Variants in CNTNAP3B observed in about 807,000 individuals in gnomAD.
The protein encoded by CNTNAP3B is contactin-associated protein-like 3B.
Under a neutral mutation model 108.9 loss-of-function variants are expected in CNTNAP3B, and 25 were observed. That is an observed-to-expected ratio of 0.23 (90% confidence interval 0.17 to 0.32). The LOEUF (loss-of-function observed/expected upper bound fraction) is 0.32, where lower values mean the gene tolerates loss of function less well. Among genes scored for constraint, CNTNAP3B ranks in the 10% least tolerant of loss-of-function variants. The probability of loss-of-function intolerance (pLI) is 1.00; values close to 1 mark genes in which losing one functional copy is unlikely to be tolerated. For synonymous variants in CNTNAP3B, 103 were observed against 473.4 expected, an observed-to-expected ratio of 0.22 and a Z score of 10.16; for missense variants, 252 against 1,210.4, an observed-to-expected ratio of 0.21 and a Z score of 11.75.
chr9:41,934,979 CATT>C (rs1363314587), intron 14 of CNTNAP3B, among the ~76,000 whole-genome samples: 5 of 152,346 alleles, frequency 3.3e-5, no homozygotes, highest in African/African-American at 9.6e-5. Context: ...CATGTGTCAT[CATT>C]ATATTAGCAA....
chr9:41,965,286 C>G (rs1237965212), intron 10 of CNTNAP3B, among the ~76,000 whole-genome samples: 3 of 152,190 alleles, frequency 2.0e-5, no homozygotes, highest in Non-Finnish European at 4.4e-5. Flanking sequence ...TCACAGGGAA[C>G]CTCAAGGGAC....
In CNTNAP3B at chr9:41,934,442, C is replaced by T. The variant is rs1438939615; in HGVS notation, c.2237+3802G>A. On this transcript the variant is annotated intron_variant, in intron 14 of 23. Coordinates refer to ENST00000377561, the MANE Select transcript of CNTNAP3B (RefSeq NM_001201380.3). ...TCACCTGTGTTAGCCAGGATGGTCTCGATCTTCTGACCTTGTGATCTGCCC... is the reference window on the plus strand; with the variant it reads ...TCACCTGTGTTAGCCAGGATGGTCTTGATCTTCTGACCTTGTGATCTGCCC... Among the ~76,000 whole-genome samples, 17 of 152,358 alleles carry T rather than the reference C, an allele frequency of 1.1e-4. No homozygotes were observed. In the East Asian group the frequency reaches 1.2e-3, roughly 10 times the overall value.
rs564525592 is a variant in CNTNAP3B, at chr9:42,125,760, G to T, written c.85+3250C>A. Among the ~76,000 whole-genome samples, 23 of 131,118 alleles carry T rather than the reference G, an allele frequency of 1.8e-4. 5 individuals are homozygous for T. Among genetic ancestry groups the T allele is most frequent in the African/African-American group, 7.2e-4 (23 of 32,080 alleles). 86.0% of individuals were successfully genotyped at this position (131,118 alleles called of 152,430 possible). A position where few individuals can be genotyped will look rare whatever the true frequency, so the allele number is the denominator to read the frequency against. On this transcript the variant is annotated intron_variant, in intron 1 of 23. Transcript: ENST00000377561. ...ATCTCAGCTCACTGCCTCCTCACAG[G>T]CACCTGCCACCATGCCCTGAAATTT...
intron 2 of CNTNAP3B, among the ~76,000 whole-genome samples, chr9:42,096,152 G>A (rs1164472435): frequency 1.4e-5 from 2 of 139,812 alleles, no homozygotes; most frequent in African/African-American, 2.8e-5. Context: ...CAATGAGGAT[G>A]CTGTGCAGGC....
chr9:41,953,456 C>A (rs538628876), intron 12 of CNTNAP3B, 70 bp from the exon 13 acceptor site: 51 of 1,517,258 alleles, frequency 3.4e-5, no homozygotes, highest in Non-Finnish European at 3.6e-5. Context: ...CAAAGCAGAC[C>A]TTTTATGTGA....
chr9:42,119,976 G>C (rs1828422140), intron 1 of CNTNAP3B, among the ~76,000 whole-genome samples: 1 of 143,070 alleles, frequency 7.0e-6, no homozygotes, highest in South Asian at 2.2e-4. Flanking sequence ...TTGACAAATG[G>C]GATCTAATTA....
chr9:41,967,972 C>A (rs201335458), intron 10 of CNTNAP3B, among the ~76,000 whole-genome samples: 1 of 149,328 alleles, frequency 6.7e-6, no homozygotes, highest in Non-Finnish European at 1.5e-5. Context: ...AATTTGGAGG[C>A]CTTTTTAAAA....
At chr9:41,958,319 G>A (rs1824939834) in intron 12 of CNTNAP3B, among the ~76,000 whole-genome samples, 1 of 152,306 alleles carries the variant, frequency 6.6e-6, no homozygotes, top group Non-Finnish European at 1.5e-5. Flanking sequence ...TGTTTTTGTT[G>A]TTGTTGTTGC....
At chr9:41,936,795 A>G (rs1453081444) in intron 14 of CNTNAP3B, among the ~76,000 whole-genome samples, 1 of 152,286 alleles carries the variant, frequency 6.6e-6, no homozygotes, top group Non-Finnish European at 1.5e-5. Context: ...GCATATCAAA[A>G]TATTCAAAAA....
At position 42,024,685 on chromosome 9, in the gene CNTNAP3B, GA is replaced by G. The variant is rs368257574; in HGVS notation, c.391-11161del. Among the ~76,000 whole-genome samples, 15 of 75,204 alleles carry G rather than the reference GA, an allele frequency of 2.0e-4. 1 individual carries two copies. The highest frequency in any genetic ancestry group is 4.1e-4 in the African/African-American group (9 of 21,986). 49.3% of individuals were successfully genotyped at this position (75,204 alleles called of 152,430 possible). A position where few individuals can be genotyped will look rare whatever the true frequency, so the allele number is the denominator to read the frequency against. On this transcript the variant is annotated intron_variant, in intron 3 of 23. Transcript: ENST00000377561. Reference sequence around the variant, plus strand: ...CAGGGTTCACAAAAAAAAAAAAAAAGAAAAAAAAACATGAAAAGATTAAGAT... The same window carrying G: ...CAGGGTTCACAAAAAAAAAAAAAAAGAAAAAAAACATGAAAAGATTAAGAT...
At chr9:41,939,392 C>T (rs1424844472) in intron 13 of CNTNAP3B, among the ~76,000 whole-genome samples, 1 of 152,308 alleles carries the variant, frequency 6.6e-6, no homozygotes, top group African/African-American at 2.4e-5. Flanking sequence ...AGATCTGGAA[C>T]TTAGCTTCTA....
At chr9:41,923,899 A>G in intron 16 of CNTNAP3B, 24 bp downstream of exon 16, 2 of 1,611,738 alleles carry the variant, frequency 1.2e-6, no homozygotes, top group Non-Finnish European at 1.7e-6. Flanking sequence ...GTACCCTGTG[A>G]CTTGTCCAGA....
chr9:42,042,867 C>T (rs976574289), intron 3 of CNTNAP3B, among the ~76,000 whole-genome samples: 4 of 136,854 alleles, frequency 2.9e-5, no homozygotes, highest in African/African-American at 1.2e-4. Flanking sequence ...TGAGAATACA[C>T]AGTGTATTTT....
intron 3 of CNTNAP3B, among the ~76,000 whole-genome samples, chr9:42,018,806 C>G (rs1474577973): frequency 1.3e-5 from 2 of 151,872 alleles, no homozygotes; most frequent in African/African-American, 2.4e-5. Context: ...TGACTATGGG[C>G]AAGATACTCA....
chr9:41,935,990 C>A (rs1195904694), intron 14 of CNTNAP3B, among the ~76,000 whole-genome samples: 15 of 152,250 alleles, frequency 9.9e-5, no homozygotes, highest in Non-Finnish European at 1.8e-4. Context: ...CCAAGTGATA[C>A]GTTCCTCTGG....
At position 42,077,021 on chromosome 9, in the gene CNTNAP3B, A is replaced by G; in HGVS notation, c.238T>C (p.Trp80Arg). Residue 80 changes from tryptophan (W) to arginine (R), a missense_variant, in exon 3 of 24, where the codon TGG becomes CGG. Physicochemically the swap from Trp to Arg is moderately radical, Grantham distance 101. Transcript: ENST00000377561. ...WTPLVSNKYQ[W>R]LQIDLGERME... ...CTCTCTCCAAGGTCAATTTGCAGCC[A>G]TTGGTATTTATTTGACACAAGTGGG... The G allele has an allele frequency of 2.0e-6, 3 of 1,532,196 alleles. No homozygotes were observed. The highest frequency in any genetic ancestry group is 2.6e-6 in the Non-Finnish European group (3 of 1,136,634). 94.9% of individuals were successfully genotyped at this position (1,532,196 alleles called of 1,614,324 possible).
In CNTNAP3B at chr9:41,917,439, G is replaced by T. The variant is rs1823544374; in HGVS notation, c.2995+2631C>A. Among the ~76,000 whole-genome samples the T allele has an allele frequency of 1.4e-5, 2 of 141,102 alleles. 1 individual carries two copies. Among genetic ancestry groups the T allele is most frequent in the Non-Finnish European group, 3.1e-5 (2 of 65,258 alleles). The allele number at this position is 141,102 out of a possible 152,430, so 92.6% of individuals were successfully genotyped here. A position where few individuals can be genotyped will look rare whatever the true frequency, so the allele number is the denominator to read the frequency against. ...AATAGAAATCAGTTCACTTGGGGAG[G>T]GCTACCAAGCTGTGTATTTTCATGG... On this transcript the variant is annotated intron_variant, in intron 18 of 23. Transcript: ENST00000377561.
At chr9:41,919,637 G>C (rs1218819953) in intron 18 of CNTNAP3B, among the ~76,000 whole-genome samples, 86 of 152,354 alleles carry the variant, frequency 5.6e-4, no homozygotes, top group Non-Finnish European at 1.1e-3. Flanking sequence ...TGTCACAAGG[G>C]ACAATGGGTA....
rs1331305151 is a variant in CNTNAP3B at position 41,953,117 on chromosome 9, A to T, written c.2080+66T>A. ...CCCTGGCCTTTTCTCCCTCAAAGGC[A>T]TCTCGCAGCCCGAGGGCCGCGCCCC... On this transcript the variant is annotated intron_variant, in intron 13 of 23. Coordinates refer to ENST00000377561, the MANE Select transcript of CNTNAP3B (RefSeq NM_001201380.3). 1.3e-4 allele frequency: 189 copies of T among 1,426,658 alleles called. No homozygotes were observed. The East Asian group carries it at 4.9e-3, about 37-fold the overall frequency. The allele number at this position is 1,426,658 out of a possible 1,614,324, so 88.4% of individuals were successfully genotyped here.
Sources: allele counts gnomAD v4.1 joint callset (sites outside exome capture counted in the v4.1 genomes callset), GRCh38; gene constraint gnomAD v4.1.1; transcripts MANE v1.5; gene names NCBI Gene and HGNC (gene_info 2026-07-23, HGNC 2026-07-21).